Variants in HMGN5 observed in about 807,000 individuals in gnomAD.
HMGN5 encodes the protein high mobility group nucleosome binding domain 5, also known as high mobility group nucleosome-binding domain-containing protein 5.
In HMGN5, 4 loss-of-function variants were observed where a neutral mutation model predicts 9.5. The ratio of observed to expected loss-of-function variants is 0.42; its 90% CI spans 0.21 to 0.96. The LOEUF is 0.96. Ranked by LOEUF, HMGN5 falls within the 40% of genes least tolerant of loss-of-function variation. The pLI is 0.30. For missense variants in HMGN5, 192 were observed against 187.5 expected, an observed-to-expected ratio of 1.02 and a Z score of -0.14; for synonymous variants, 55 against 57.1, an observed-to-expected ratio of 0.96 and a Z score of 0.16.
chrX:81,125,900 CTCTTT>C (rs1484983364), intron 1 of HMGN5, among the ~76,000 whole-genome samples: 2 of 111,024 alleles, frequency 1.8e-5, no homozygotes, highest in African/African-American at 6.6e-5. Context: ...GTAATCCCAG[CTCTTT>C]GGGACGCTGA....
chrX:81,197,861 C>G (rs2075513788), intron 1 of HMGN5: 1 of 109,068 alleles, frequency 9.2e-6, no homozygotes, highest in African/African-American at 3.3e-5. Flanking sequence ...TTGCATAGGC[C>G]GAAAAGTGCA....
chrX:81,113,756 GC>G lies in HMGN5; in HGVS notation c.*892del. Reference sequence around the variant, plus strand: ...ATAGGCAAATCCATAGAGATAGAAGGCAGATTAGTGGTTGCCAAGGGATGGA... The same window carrying G: ...ATAGGCAAATCCATAGAGATAGAAGGAGATTAGTGGTTGCCAAGGGATGGA... On this transcript the variant is annotated 3_prime_UTR_variant, in exon 7 of 7. Coordinates refer to ENST00000358130, the MANE Select transcript of HMGN5 (RefSeq NM_030763.3). 1.8e-5 allele frequency: 2 copies of G among 113,458 alleles called. No individual in the cohort carries two copies. The allele number at this position is 113,458 out of a possible 1,213,427, so 9.4% of individuals were successfully genotyped here.
In HMGN5 at chrX:81,113,985, A is replaced by G. The variant is rs1458969244; in HGVS notation, c.*664T>C. 8.9e-6 allele frequency: 1 copy of G among 111,977 alleles called. No homozygotes were observed. The highest frequency in any genetic ancestry group is 2.8e-4 in the East Asian group (1 of 3,599). The allele number at this position is 111,977 out of a possible 1,213,427, so 9.2% of individuals were successfully genotyped here. On this transcript the variant is annotated 3_prime_UTR_variant, in exon 7 of 7. Coordinates refer to ENST00000358130, the MANE Select transcript of HMGN5 (RefSeq NM_030763.3). ...ATTAATTTTATGTCAGTGAATATTA[A>G]ATATTTTCATGAATAACACAATAGA... is the stretch of plus-strand genomic sequence containing the variant.
In HMGN5 at chrX:81,114,672, C is replaced by CT. The variant is rs1161776489; in HGVS notation, c.825dup (p.Glu276ArgfsTer16). 8 of 1,140,285 alleles carry CT rather than the reference C, an allele frequency of 7.0e-6. No homozygotes were observed. The highest frequency in any genetic ancestry group is 2.1e-5 in the South Asian group (1 of 47,281). The allele number at this position is 1,140,285 out of a possible 1,213,427, so 94.0% of individuals were successfully genotyped here. A position where few individuals can be genotyped will look rare whatever the true frequency, so the allele number is the denominator to read the frequency against. On this transcript the variant is annotated frameshift_variant, in exon 7 of 7. Coordinates refer to ENST00000358130, the MANE Select transcript of HMGN5 (RefSeq NM_030763.3). LOFTEE classifies it high-confidence loss of function. ...TTTTAAACAATACTCTGTGGCTCCT[C>CT]TTTTTTTCCATCATCTTCTTTGATC... is the stretch of plus-strand genomic sequence containing the variant.
At chrX:81,200,572 C>T (rs180869569) in intron 1 of HMGN5, among the ~76,000 whole-genome samples, 72 of 111,511 alleles carry the variant, frequency 6.5e-4, no homozygotes, top group Non-Finnish European at 9.8e-4. Flanking sequence ...ATGGATGAAG[C>T]TGGAAACCAT....
At position 81,115,114 on chromosome X, in the gene HMGN5, T is replaced by A. The variant is rs751213358; in HGVS notation, c.384A>T (p.Glu128Asp). ...GATCTTCTTCATCTTCTTTCTGATC[T>A]TCTTCTTCATTTTTTACTTCTGCTG... ...AVAAEVKNEEEDQKEDEEDQN... is the reference protein window; with the variant it reads ...AVAAEVKNEEDDQKEDEEDQN... Residue 128 changes from glutamate (E) to aspartate (D), a missense_variant, in exon 7 of 7, where the codon GAA (glutamate) becomes GAT (aspartate). Glu to Asp is a conservative substitution (Grantham distance 45, BLOSUM62 2). Coordinates refer to ENST00000358130, the MANE Select transcript of HMGN5 (RefSeq NM_030763.3). 8.6e-7 allele frequency: 1 copy of A among 1,163,048 alleles called. No homozygotes were observed. The highest frequency in any genetic ancestry group is 3.3e-5 in the East Asian group (1 of 30,719).
At position 81,188,612 on chromosome X, in the gene HMGN5, G is replaced by A. The variant is rs760714816; in HGVS notation, c.-124+13125C>T. ...ATTTACATTAGTTATATCTCCTAAC[G>A]CTATCCCTCCCCCCTCTCCCCACCC... is the stretch of plus-strand genomic sequence containing the variant. On this transcript the variant is annotated intron_variant, in intron 1 of 6. Transcript: ENST00000358130. Among the ~76,000 whole-genome samples, 3 of 109,366 alleles carry A rather than the reference G, an allele frequency of 2.7e-5. No individual in the cohort carries two copies. The East Asian group carries it at 8.7e-4, about 32-fold the overall frequency. 95.0% of individuals were successfully genotyped at this position (109,366 alleles called of 115,157 possible). A position where few individuals can be genotyped will look rare whatever the true frequency, so the allele number is the denominator to read the frequency against.
intron 1 of HMGN5, among the ~76,000 whole-genome samples, chrX:81,142,909 TATG>T (rs2075333576): frequency 9.0e-6 from 1 of 111,424 alleles, no homozygotes; most frequent in Non-Finnish European, 1.9e-5. Context: ...AAATAATGAC[TATG>T]ACAACTTTTC....
intron 1 of HMGN5, among the ~76,000 whole-genome samples, chrX:81,150,634 G>T (rs1296581459): frequency 9.0e-6 from 1 of 111,645 alleles, no homozygotes; most frequent in Non-Finnish European, 1.9e-5. Context: ...TATAAAAGCA[G>T]TAATAAATTA....
At chrX:81,129,473 T>C (rs2075293102) in intron 1 of HMGN5, among the ~76,000 whole-genome samples, 1 of 111,256 alleles carries the variant, frequency 9.0e-6, no homozygotes, top group South Asian at 3.7e-4. Context: ...CTACTGGATT[T>C]TCTCTTTCAT....
At position 81,148,456 on chromosome X, in the gene HMGN5, C is replaced by T. The variant is rs191742033; in HGVS notation, c.-123-26784G>A. Among the ~76,000 whole-genome samples, 4 of 111,815 alleles carry T rather than the reference C, an allele frequency of 3.6e-5. No individual in the cohort carries two copies. The Admixed American group carries it at 3.8e-4, about 11-fold the overall frequency. On this transcript the variant is annotated intron_variant, in intron 1 of 6. Transcript: ENST00000358130. ...CAGAAAGCTGAAACTGGATCCCTTC[C>T]TTACGCCTTATACAGAAATTAATTC...
At chrX:81,188,325 TG>T (rs2075483840) in intron 1 of HMGN5, among the ~76,000 whole-genome samples, 1 of 105,910 alleles carries the variant, frequency 9.4e-6, no homozygotes, top group African/African-American at 3.4e-5. Flanking sequence ...GATGGGGTTT[TG>T]CTACACTGCC....
intron 1 of HMGN5, among the ~76,000 whole-genome samples, chrX:81,151,046 C>T (rs1313767157): frequency 8.9e-6 from 1 of 111,770 alleles, no homozygotes; most frequent in Non-Finnish European, 1.9e-5. Context: ...TAAATACTAA[C>T]ACCAATCCTA....
chrX:81,193,279 G>C (rs929630592), intron 1 of HMGN5, among the ~76,000 whole-genome samples: 2 of 112,163 alleles, frequency 1.8e-5, no homozygotes, highest in Admixed American at 1.9e-4. Flanking sequence ...CATGCCATGA[G>C]AAAGTCATGT....
chrX:81,138,448 T>C (rs923825955), intron 1 of HMGN5, among the ~76,000 whole-genome samples: 1 of 111,644 alleles, frequency 9.0e-6, no homozygotes, highest in Non-Finnish European at 1.9e-5. Context: ...TCCACAGATA[T>C]TGATGATAAA....
chrX:81,118,759 G>A lies in HMGN5; in HGVS notation c.46C>T (p.Pro16Ser). ...GACAACCTGGCAGATCTTCTCTTTG[G>A]CTATAAGTTAAAAACAAAAATCTGT... ...AAGQGDMRQEPKRRSARLSAM... is the reference protein window; with the variant it reads ...AAGQGDMRQESKRRSARLSAM... Residue 16 changes from proline (P) to serine (S), a missense_variant and splice_region_variant, in exon 4 of 7, where the codon CCA (proline) becomes TCA (serine). Pro to Ser is a moderately conservative substitution (Grantham distance 74). Transcript: ENST00000358130. The A allele has an allele frequency of 8.5e-7, 1 of 1,179,815 alleles. No individual in the cohort carries two copies. Among genetic ancestry groups the A allele is most frequent in the Non-Finnish European group, 1.1e-6 (1 of 873,141 alleles).
chrX:81,114,453 T>C lies in HMGN5; in HGVS notation c.*196A>G. On this transcript the variant is annotated 3_prime_UTR_variant, in exon 7 of 7. Coordinates refer to ENST00000358130, the MANE Select transcript of HMGN5 (RefSeq NM_030763.3). ...TATTTTTTTCTATGTATTCCACTAC[T>C]ATAATCACAAAATTTATAGATAAAT... 3 of 351,883 alleles carry C rather than the reference T, an allele frequency of 8.5e-6. No individual in the cohort carries two copies. The highest frequency in any genetic ancestry group is 9.2e-6 in the Non-Finnish European group (2 of 217,719). 29.0% of individuals were successfully genotyped at this position (351,883 alleles called of 1,213,427 possible).
chrX:81,181,504 C>T (rs1378637924), intron 1 of HMGN5, among the ~76,000 whole-genome samples: 2 of 111,287 alleles, frequency 1.8e-5, no homozygotes, highest in African/African-American at 6.5e-5. Flanking sequence ...TTATTTTTTA[C>T]CATAGTCACA....
intron 1 of HMGN5, among the ~76,000 whole-genome samples, chrX:81,128,771 T>C (rs909418253): frequency 8.9e-6 from 1 of 112,061 alleles, no homozygotes; most frequent in Non-Finnish European, 1.9e-5. Context: ...GTTTTGTGAG[T>C]TTATGCTAAT....
Sources: gnomAD v4.1 joint callset for allele counts (sites outside exome capture counted in the v4.1 genomes callset) on GRCh38, gnomAD v4.1.1 for gene constraint, MANE v1.5 for transcripts, NCBI Gene and HGNC (gene_info 2026-07-23, HGNC 2026-07-21) for gene names.